The following CEMIP variants were observed in gnomAD, a reference collection of about 807,000 sequenced individuals.
The protein encoded by CEMIP is cell migration-inducing and hyaluronan-binding protein.
In CEMIP, 105 loss-of-function variants were observed where a neutral mutation model predicts 156.9. The ratio of observed to expected loss-of-function variants is 0.67; its 90% CI spans 0.57 to 0.79. CEMIP has a LOEUF of 0.79. CEMIP is among the 30% of genes least tolerant of loss of function. The pLI is 0.00. For missense variants in CEMIP, 1,457 were observed against 1,769.4 expected, an observed-to-expected ratio of 0.82 and a Z score of 3.17; for synonymous variants, 676 against 668.4, an observed-to-expected ratio of 1.01 and a Z score of -0.17.
intron 12 of CEMIP, among the ~76,000 whole-genome samples, chr15:80,901,952 G>A (rs1367404169): frequency 2.6e-5 from 4 of 152,136 alleles, no homozygotes; most frequent in African/African-American, 7.2e-5. Flanking sequence ...TGACTGTGAG[G>A]AACCTGGGTT....
chr15:80,927,895 G>A (rs1489537694), intron 19 of CEMIP, among the ~76,000 whole-genome samples: 1 of 152,164 alleles, frequency 6.6e-6, no homozygotes, highest in Non-Finnish European at 1.5e-5. Context: ...TGAACTAAAT[G>A]GGCTTCGGAA....
intron 14 of CEMIP, among the ~76,000 whole-genome samples, chr15:80,913,075 G>C (rs1383338559): frequency 6.6e-6 from 1 of 152,042 alleles, no homozygotes; most frequent in African/African-American, 2.4e-5. Flanking sequence ...CCTGGCTCTG[G>C]GCTGATCCTA....
intron 1 of CEMIP, among the ~76,000 whole-genome samples, chr15:80,864,612 C>T (rs12906003): frequency 0.44 from 66,471 of 152,098 alleles, 15,922 homozygotes; most frequent in Non-Finnish European, 0.55. Context: ...TACAACTGAG[C>T]GGACAGAGGC....
rs374221454 is a variant in CEMIP, at chr15:80,845,292, G to A, written c.-175-28246G>A. On this transcript the variant is annotated intron_variant, in intron 1 of 29. Transcript: ENST00000394685. The stretch of plus-strand genomic sequence containing the variant: ...CAAAAAATTTAAAATTTAGCCAGGC[G>A]TGGTGGTGCATGCCTTTGGTTCTAG... Among the ~76,000 whole-genome samples, 36 of 152,228 alleles carry A rather than the reference G, an allele frequency of 2.4e-4. No homozygotes were observed. The East Asian group carries it at 4.3e-3, about 18-fold the overall frequency.
chr15:80,810,444 T>C (rs1039959151), intron 1 of CEMIP, among the ~76,000 whole-genome samples: 2 of 152,210 alleles, frequency 1.3e-5, no homozygotes, highest in African/African-American at 4.8e-5. Context: ...CTCAGCTCAC[T>C]GCAAGCTCCG....
chr15:80,900,636 G>C (rs966422625), intron 12 of CEMIP, among the ~76,000 whole-genome samples: 6 of 132,104 alleles, frequency 4.5e-5, no homozygotes, highest in African/African-American at 5.4e-5. Flanking sequence ...GTGTGTGTGT[G>C]TGTGTGTGTG....
intron 12 of CEMIP, among the ~76,000 whole-genome samples, chr15:80,904,640 G>T (rs1899717243): frequency 6.6e-6 from 1 of 152,160 alleles, no homozygotes; most frequent in African/African-American, 2.4e-5. Context: ...GATGACAGGG[G>T]CAGCGACTGG....
At chr15:80,853,021 G>A (rs991309295) in intron 1 of CEMIP, among the ~76,000 whole-genome samples, 1 of 152,196 alleles carries the variant, frequency 6.6e-6, no homozygotes, top group African/African-American at 2.4e-5. Context: ...TCAGGAGAAT[G>A]ACTTCCTCTG....
At chr15:80,900,242 CATGCAGGA>C (rs1899418271) in intron 12 of CEMIP, among the ~76,000 whole-genome samples, 1 of 152,290 alleles carries the variant, frequency 6.6e-6, no homozygotes, top group Non-Finnish European at 1.5e-5. Flanking sequence ...TTGGGGTGTC[CATGCAGGA>C]GAGCTGCTCT....
intron 19 of CEMIP, among the ~76,000 whole-genome samples, chr15:80,927,237 G>A (rs1900730442): frequency 6.6e-6 from 1 of 152,196 alleles, no homozygotes; most frequent in Admixed American, 6.5e-5. Flanking sequence ...AGGGGAAGGG[G>A]GCAGGGTTGT....
At chr15:80,945,840 C>G (rs1317909599) in intron 28 of CEMIP, among the ~76,000 whole-genome samples, 2 of 152,220 alleles carry the variant, frequency 1.3e-5, no homozygotes, top group African/African-American at 4.8e-5. Context: ...GCTGAGTCTG[C>G]CACTGTGAAG....
intron 1 of CEMIP, among the ~76,000 whole-genome samples, chr15:80,798,230 T>C (rs925200143): frequency 2.6e-5 from 4 of 152,230 alleles, no homozygotes; most frequent in African/African-American, 9.6e-5. Context: ...GTTATTACTG[T>C]ATATTTTTTA....
chr15:80,806,749 A>G (rs1896523783), intron 1 of CEMIP, among the ~76,000 whole-genome samples: 1 of 152,236 alleles, frequency 6.6e-6, no homozygotes, highest in South Asian at 2.1e-4. Flanking sequence ...GCCACACTTT[A>G]TGCATAGCGT....
intron 1 of CEMIP, among the ~76,000 whole-genome samples, chr15:80,816,063 A>G (rs1047302973): frequency 7.2e-5 from 11 of 152,050 alleles, no homozygotes; most frequent in Non-Finnish European, 1.2e-4. Context: ...TCTAAAGCAA[A>G]CTCTTTTGCA....
At position 80,924,738 on chromosome 15, in the gene CEMIP, G is replaced by A. The variant is rs202193911; in HGVS notation, c.2288+32G>A. 31 of 1,587,144 alleles carry A rather than the reference G, an allele frequency of 2.0e-5. No homozygotes were observed. In the African/African-American group the frequency reaches 3.5e-4, roughly 18 times the overall value. ...AGCCATTGGGAAGACACAGTCCACG[G>A]TGACCTTGCAGTCCAGCTCCTGCCT... On this transcript the variant is annotated intron_variant, in intron 18 of 29. Coordinates refer to ENST00000394685, the MANE Select transcript of CEMIP (RefSeq NM_001293298.2).
chr15:80,842,448 G>A (rs142831720), intron 1 of CEMIP, among the ~76,000 whole-genome samples: 8 of 152,210 alleles, frequency 5.3e-5, no homozygotes, highest in African/African-American at 1.9e-4. Context: ...AGAGAAATCC[G>A]GGGTTGGGTG....
At chr15:80,876,727 T>C (rs868561805) in intron 3 of CEMIP, among the ~76,000 whole-genome samples, 1 of 152,262 alleles carries the variant, frequency 6.6e-6, no homozygotes, top group Middle Eastern at 3.4e-3. Context: ...TCAGTGTGGG[T>C]GTGGGGTCTG....
At chr15:80,903,853 C>G (rs2141881510) in intron 12 of CEMIP, among the ~76,000 whole-genome samples, 1 of 152,298 alleles carries the variant, frequency 6.6e-6, no homozygotes, top group East Asian at 1.9e-4. Context: ...GACCACAGAG[C>G]TGATGGATGG....
At chr15:80,904,283 TG>T (rs1347809167) in intron 12 of CEMIP, among the ~76,000 whole-genome samples, 10 of 152,206 alleles carry the variant, frequency 6.6e-5, no homozygotes, top group African/African-American at 2.2e-4. Context: ...CCCAGCATTT[TG>T]GGATCCCCAG....
Sources: allele counts gnomAD v4.1 joint callset (sites outside exome capture counted in the v4.1 genomes callset), GRCh38; gene constraint gnomAD v4.1.1; transcripts MANE v1.5; gene names NCBI Gene and HGNC (gene_info 2026-07-23, HGNC 2026-07-21).